Variants in ANKRD46 observed in about 807,000 individuals in gnomAD.
The protein encoded by ANKRD46 is ankyrin repeat domain 46, also known as ankyrin repeat domain-containing protein 46.
ANKRD46 carries 13 observed loss-of-function variants against 19.8 expected under a neutral mutation model. That is an observed-to-expected ratio of 0.66 (90% CI 0.43 to 1.04). ANKRD46 has a LOEUF of 1.04. ANKRD46 is among the 50% of genes least tolerant of loss of function. The pLI, the probability that ANKRD46 is intolerant of heterozygous loss-of-function variation, is 0.00. For missense variants in ANKRD46, 185 were observed against 274.8 expected (o/e 0.67, Z 2.31); for synonymous variants, 91 against 106.9 (o/e 0.85, Z 0.92).
intron 1 of ANKRD46, among the ~76,000 whole-genome samples, chr8:100,558,035 T>A (rs558311393): frequency 7.9e-5 from 12 of 152,220 alleles, no homozygotes; most frequent in African/African-American, 2.6e-4. Context: ...CACTCTCACA[T>A]CCCCCAGTGC....
chr8:100,551,114 G>T, intron 1 of ANKRD46: 2 of 485,104 alleles, frequency 4.1e-6, no homozygotes, highest in South Asian at 3.4e-5. Context: ...ATGTTCTGGA[G>T]AGCCCCACAG....
downstream of ANKRD46, among the ~76,000 whole-genome samples, chr8:100,517,556 G>C (rs1586775934): frequency 6.6e-6 from 1 of 152,206 alleles, no homozygotes; most frequent in South Asian, 2.1e-4. Flanking sequence ...GTCCCCAGGT[G>C]AATGTAGACA....
At chr8:100,530,686 A>G (rs1295521146) in intron 2 of ANKRD46, among the ~76,000 whole-genome samples, 1 of 152,174 alleles carries the variant, frequency 6.6e-6, no homozygotes, top group Non-Finnish European at 1.5e-5. Context: ...CGCCTGGCCT[A>G]TAGCACAAAT....
rs1252102552 is a variant in ANKRD46 at position 100,529,005 on chromosome 8, C to G, written c.311+518G>C. ...GGGAGATTATGAAGCTCACATGGTGCGTTACATGACAGAAGGCACACAAGC... is the reference window on the plus strand; with the variant it reads ...GGGAGATTATGAAGCTCACATGGTGGGTTACATGACAGAAGGCACACAAGC... On this transcript the variant is annotated intron_variant, in intron 3 of 4. Coordinates refer to ENST00000335659, the MANE Select transcript of ANKRD46 (RefSeq NM_001270377.2). This position sits in a 1 kb window ranked among gnomAD's most constrained non-coding sequence, Gnocchi z 5.8. 2.0e-5 allele frequency among the ~76,000 whole-genome samples: 3 copies of G among 152,134 alleles called. No individual in the cohort carries two copies. Among genetic ancestry groups the G allele is most frequent in the Non-Finnish European group, 2.9e-5 (2 of 68,012 alleles).
Position 100,525,175 on chromosome 8 carries a change from C to T in ANKRD46, c.471-2404G>A, listed in dbSNP as rs942579016. On this transcript the variant is annotated intron_variant, in intron 4 of 4. Transcript: ENST00000335659. This position sits in a 1 kb window ranked among gnomAD's most constrained non-coding sequence, Gnocchi z 4.4. Reference sequence around the variant, plus strand: ...TTAAAACCCTGCTTTATCTTCTGCTCTAGAAAAAGCCATTACACAATTATG... The same window carrying T: ...TTAAAACCCTGCTTTATCTTCTGCTTTAGAAAAAGCCATTACACAATTATG... Among the ~76,000 whole-genome samples, 1 of 152,160 alleles carries T rather than the reference C, an allele frequency of 6.6e-6. No homozygotes were observed. The highest frequency in any genetic ancestry group is 1.5e-5 in the Non-Finnish European group (1 of 68,026).
intron 1 of ANKRD46, among the ~76,000 whole-genome samples, chr8:100,551,944 G>A (rs1812399733): frequency 6.6e-6 from 1 of 152,180 alleles, no homozygotes; most frequent in Non-Finnish European, 1.5e-5. Context: ...GAGGTCAGGA[G>A]TTCAAGACCA....
At chr8:100,520,384 T>A (rs950288111), downstream of ANKRD46, among the ~76,000 whole-genome samples, 1 of 152,150 alleles carries the variant, frequency 6.6e-6, no homozygotes, top group African/African-American at 2.4e-5. Context: ...GGCTGGAGCC[T>A]CAATCTGGAA....
chr8:100,513,620 C>A (rs1002907450), intron 5 of ANKRD46, among the ~76,000 whole-genome samples: 3 of 152,146 alleles, frequency 2.0e-5, no homozygotes, highest in Admixed American at 6.5e-5. Context: ...CCTAAAATAA[C>A]AAATAAATTT....
chr8:100,515,859 C>T (rs1383129674), downstream of ANKRD46, among the ~76,000 whole-genome samples: 1 of 151,868 alleles, frequency 6.6e-6, no homozygotes, highest in African/African-American at 2.4e-5. Flanking sequence ...TCTGTGATTC[C>T]AGTAACTTGT....
chr8:100,555,247 T>C (rs1375050365), intron 1 of ANKRD46, among the ~76,000 whole-genome samples: 1 of 151,792 alleles, frequency 6.6e-6, no homozygotes, highest in Admixed American at 6.6e-5. Context: ...CAGAAGTTCT[T>C]TCATTTTTAA....
chr8:100,558,396 T>TA (rs146030991), intron 1 of ANKRD46, among the ~76,000 whole-genome samples: 2 of 152,144 alleles, frequency 1.3e-5, no homozygotes, highest in Admixed American at 1.3e-4. Flanking sequence ...GTGAACTCAC[T>TA]AAAAAATGGT....
rs755558337 is a variant in ANKRD46 at position 100,527,794 on chromosome 8, GT to G, written c.470+50del. ...GCAGGAAGAATGCTTGAGCCCAGGA[GT>G]TCAAGGAATGAGTAATACAGTGAGA... On this transcript the variant is annotated intron_variant, in intron 4 of 4. Coordinates refer to ENST00000335659, the MANE Select transcript of ANKRD46 (RefSeq NM_001270377.2). The surrounding 1 kb of genome is among the most constrained non-coding windows in gnomAD (Gnocchi z 4.0). 3 of 1,542,404 alleles carry G rather than the reference GT, an allele frequency of 1.9e-6. No homozygotes were observed. In the South Asian group the frequency reaches 3.9e-5, roughly 20 times the overall value.
intron 3 of ANKRD46, among the ~76,000 whole-genome samples, 172 bp from the exon 4 acceptor site, chr8:100,528,175 T>G (rs535160331): frequency 6.6e-6 from 1 of 152,238 alleles, no homozygotes; most frequent in South Asian, 2.1e-4. Flanking sequence ...AGTATTTGGC[T>G]CACTACAACT....
At position 100,510,807 on chromosome 8, in the gene ANKRD46, C is replaced by T. The variant is rs965180666; in HGVS notation, c.637-168G>A. ...TCAACGCTCACAGGAAGGGTCCTGC[C>T]GCTTCACAACTGTCCTTGGCTTCCT... On this transcript the variant is annotated intron_variant, in intron 5 of 5. Coordinates refer to the ANKRD46 transcript ENST00000520552. This position sits in a 1 kb window ranked among gnomAD's most constrained non-coding sequence, Gnocchi z 4.9. Among the ~76,000 whole-genome samples the T allele has an allele frequency of 2.6e-5, 4 of 152,194 alleles. No individual in the cohort carries two copies. The highest frequency in any genetic ancestry group is 1.3e-4 in the Admixed American group (2 of 15,288).
In ANKRD46 at chr8:100,521,196, C is replaced by A; in HGVS notation, c.*1359G>T. On this transcript the variant is annotated 3_prime_UTR_variant, in exon 5 of 5. Coordinates refer to ENST00000335659, the MANE Select transcript of ANKRD46 (RefSeq NM_001270377.2). ...GATACATAGATACAAGAGAAAATAC[C>A]AAGAAGCAAAAAGAATCACAGAAAT... 2.0e-6 allele frequency: 2 copies of A among 984,692 alleles called. No individual in the cohort carries two copies. Among genetic ancestry groups the A allele is most frequent in the Non-Finnish European group, 2.4e-6 (2 of 829,766 alleles). 61.0% of individuals were successfully genotyped at this position (984,692 alleles called of 1,614,324 possible). A position where few individuals can be genotyped will look rare whatever the true frequency, so the allele number is the denominator to read the frequency against.
chr8:100,518,063 C>T (rs1395634065), downstream of ANKRD46, among the ~76,000 whole-genome samples: 2 of 152,150 alleles, frequency 1.3e-5, no homozygotes, highest in African/African-American at 4.8e-5. Flanking sequence ...TGGTAGTGCA[C>T]ACCTGTAATC....
Position 100,544,741 on chromosome 8 carries a change from T to C in ANKRD46, c.-130-11430A>G, listed in dbSNP as rs542987076. Among the ~76,000 whole-genome samples the C allele has an allele frequency of 1.4e-4, 22 of 152,332 alleles. No homozygotes were observed. The South Asian group carries it at 4.6e-3, about 32-fold the overall frequency. The stretch of plus-strand genomic sequence containing the variant: ...TCTTACCTACTTCACAATATTTTTG[T>C]ACAGAACTTTGAAAACTATAATGAA... On this transcript the variant is annotated intron_variant, in intron 1 of 4. Coordinates refer to ENST00000335659, the MANE Select transcript of ANKRD46 (RefSeq NM_001270377.2). This position sits in a 1 kb window ranked among gnomAD's most constrained non-coding sequence, Gnocchi z 4.4.
Position 100,525,179 on chromosome 8 carries a change from A to G in ANKRD46, c.471-2408T>C, listed in dbSNP as rs1182218990. ...AACCCTGCTTTATCTTCTGCTCTAG[A>G]AAAAGCCATTACACAATTATGCCAT... is the stretch of plus-strand genomic sequence containing the variant. On this transcript the variant is annotated intron_variant, in intron 4 of 4. Coordinates refer to ENST00000335659, the MANE Select transcript of ANKRD46 (RefSeq NM_001270377.2). This position sits in a 1 kb window ranked among gnomAD's most constrained non-coding sequence, Gnocchi z 4.4. 6.6e-6 allele frequency among the ~76,000 whole-genome samples: 1 copy of G among 152,222 alleles called. No individual in the cohort carries two copies. The highest frequency in any genetic ancestry group is 1.5e-5 in the Non-Finnish European group (1 of 68,036).
chr8:100,547,059 T>C (rs532317823), intron 1 of ANKRD46, among the ~76,000 whole-genome samples: 25 of 152,194 alleles, frequency 1.6e-4, no homozygotes, highest in Non-Finnish European at 3.4e-4. Flanking sequence ...TTGTCTCAGA[T>C]GAGACTTTGG....
Sources: allele counts gnomAD v4.1 joint callset (sites outside exome capture counted in the v4.1 genomes callset), GRCh38; gene constraint gnomAD v4.1.1; non-coding constraint Gnocchi (gnomAD v3.1); transcripts MANE v1.5; gene names NCBI Gene and HGNC (gene_info 2026-07-23, HGNC 2026-07-21).